Variants in PTPRG observed in about 807,000 individuals in gnomAD.
The protein encoded by PTPRG is protein tyrosine phosphatase receptor type G.
In PTPRG, 102 loss-of-function variants were observed where a neutral mutation model predicts 165.3. The observed-to-expected ratio is 0.62, with a 90% CI of 0.53 to 0.73. The LOEUF (loss-of-function observed/expected upper bound fraction) is 0.73. PTPRG is among the 30% of genes least tolerant of loss of function. The probability of loss-of-function intolerance (pLI) is 0.00; values close to 1 mark genes in which losing one functional copy is unlikely to be tolerated. For synonymous variants in PTPRG, 675 were observed against 669.5 expected, an observed-to-expected ratio of 1.01 and a Z score of -0.13; for missense variants, 1,866 against 1,861.4, an observed-to-expected ratio of 1.00 and a Z score of -0.05.
chr3:62,072,050 T>A (rs1701225665), intron 4 of PTPRG, among the ~76,000 whole-genome samples: 1 of 152,224 alleles, frequency 6.6e-6, no homozygotes, highest in Non-Finnish European at 1.5e-5. Flanking sequence ...TATACACATT[T>A]GTAAAGTCAA....
intron 7 of PTPRG, among the ~76,000 whole-genome samples, chr3:62,160,320 CA>C (rs1282485713): frequency 6.6e-5 from 10 of 152,246 alleles, no homozygotes; most frequent in African/African-American, 2.2e-4. Flanking sequence ...GCATTCAAGT[CA>C]GCCCTGCCAG....
chr3:61,785,369 T>A (rs1039833251), intron 2 of PTPRG, among the ~76,000 whole-genome samples: 1 of 152,186 alleles, frequency 6.6e-6, no homozygotes, highest in Non-Finnish European at 1.5e-5. Context: ...TCTAGAACAT[T>A]GTAGAAGAGA....
chr3:62,291,519 C>G (rs528976036), intron 28 of PTPRG, among the ~76,000 whole-genome samples: 198 of 151,938 alleles, frequency 1.3e-3, no homozygotes, highest in African/African-American at 4.6e-3. Context: ...GGAGAGGTTA[C>G]CTCTAAAGTT....
intron 1 of PTPRG, among the ~76,000 whole-genome samples, chr3:61,718,111 T>C (rs930493229): frequency 6.7e-6 from 1 of 149,890 alleles, no homozygotes; most frequent in African/African-American, 2.5e-5. Context: ...GACTGGGTGG[T>C]GGAGGTTGCA....
chr3:61,866,582 C>CTTTTTTTTTT lies in PTPRG; in HGVS notation c.190+117627_190+117636dup, dbSNP rs532356516. On this transcript the variant is annotated intron_variant, in intron 2 of 29. Coordinates refer to ENST00000474889, the MANE Select transcript of PTPRG (RefSeq NM_002841.4). ...TTCCCTGGCTTTGGAACTGTTTGCT[C>CTTTTTTTTTT]TTTTTTTTTTTTTTTTTTTTTTTTT... Among the ~76,000 whole-genome samples, 50 of 69,108 alleles carry CTTTTTTTTTT rather than the reference C, an allele frequency of 7.2e-4. 14 individuals are homozygous for CTTTTTTTTTT. Among genetic ancestry groups the CTTTTTTTTTT allele is most frequent in the East Asian group, 1.7e-3 (3 of 1,772 alleles). 45.3% of individuals were successfully genotyped at this position (69,108 alleles called of 152,430 possible). A position where few individuals can be genotyped will look rare whatever the true frequency, so the allele number is the denominator to read the frequency against.
chr3:61,993,840 T>C (rs1383910798), intron 3 of PTPRG, among the ~76,000 whole-genome samples: 1 of 152,238 alleles, frequency 6.6e-6, no homozygotes, highest in African/African-American at 2.4e-5. Flanking sequence ...CTGTCTTTTG[T>C]ATATTAAAAT....
intron 2 of PTPRG, among the ~76,000 whole-genome samples, chr3:61,865,268 C>T (rs2037373470): frequency 6.6e-6 from 1 of 152,138 alleles, no homozygotes; most frequent in Non-Finnish European, 1.5e-5. Context: ...ACCCCCACAA[C>T]AATAGTGACA....
At chr3:62,258,113 C>A (rs942920850) in intron 16 of PTPRG, among the ~76,000 whole-genome samples, 1 of 152,052 alleles carries the variant, frequency 6.6e-6, no homozygotes, top group African/African-American at 2.4e-5. Flanking sequence ...AGGAACCCCC[C>A]CCACTAGGAG....
At chr3:61,690,813 A>ATT (rs200547448) in intron 1 of PTPRG, among the ~76,000 whole-genome samples, 1 of 147,780 alleles carries the variant, frequency 6.8e-6, no homozygotes, top group Admixed American at 6.7e-5. Flanking sequence ...CTAGAGAGTG[A>ATT]TTTTTTTTTT....
At chr3:61,581,994 G>T (rs889838624) in intron 1 of PTPRG, among the ~76,000 whole-genome samples, 8 of 151,818 alleles carry the variant, frequency 5.3e-5, no homozygotes, top group South Asian at 2.1e-4. Flanking sequence ...TTGAGACAGA[G>T]TCTTGCTCTA....
At chr3:62,044,880 A>G (rs1191874506) in intron 4 of PTPRG, among the ~76,000 whole-genome samples, 1 of 152,070 alleles carries the variant, frequency 6.6e-6, no homozygotes, top group Non-Finnish European at 1.5e-5. Context: ...GATGGATTTT[A>G]TTATGTATGT....
rs544525909 is a variant in PTPRG, at chr3:61,623,224, A to G, written c.85+60852A>G. On this transcript the variant is annotated intron_variant, in intron 1 of 29. Coordinates refer to ENST00000474889, the MANE Select transcript of PTPRG (RefSeq NM_002841.4). ...GGCAGGAATCAGGACAGTGGGAGCT[A>G]ATGGCAAGTTGGTGGTGGAATACAT... Among the ~76,000 whole-genome samples the G allele has an allele frequency of 1.4e-4, 21 of 152,326 alleles. No homozygotes were observed. In the South Asian group the frequency reaches 4.4e-3, roughly 32 times the overall value.
intron 8 of PTPRG, among the ~76,000 whole-genome samples, chr3:62,174,486 T>C (rs1322984994): frequency 6.6e-6 from 1 of 152,224 alleles, no homozygotes; most frequent in African/African-American, 2.4e-5. Context: ...ATGTTTTCAA[T>C]TCTAAACATT....
At chr3:61,869,685 C>A (rs1036943525) in intron 2 of PTPRG, among the ~76,000 whole-genome samples, 7 of 151,938 alleles carry the variant, frequency 4.6e-5, no homozygotes, top group African/African-American at 1.7e-4. Flanking sequence ...CTTAACTGAT[C>A]TTCCCCCCTC....
chr3:61,616,930 G>A (rs536937545), intron 1 of PTPRG, among the ~76,000 whole-genome samples: 3 of 152,162 alleles, frequency 2.0e-5, no homozygotes, highest in Non-Finnish European at 2.9e-5. Context: ...CACCATCGAT[G>A]CCGGAAGATA....
intron 2 of PTPRG, among the ~76,000 whole-genome samples, chr3:61,768,659 C>T (rs1007807125): frequency 1.3e-5 from 2 of 152,200 alleles, no homozygotes; most frequent in Non-Finnish European, 2.9e-5. Flanking sequence ...TGCTGCAAGA[C>T]TTCTCAGATC....
chr3:61,929,621 T>A (rs2039309763), intron 2 of PTPRG, among the ~76,000 whole-genome samples: 1 of 152,228 alleles, frequency 6.6e-6, no homozygotes. Flanking sequence ...GTTAAACTCA[T>A]TTAGCTGTGA....
intron 5 of PTPRG, among the ~76,000 whole-genome samples, chr3:62,102,863 G>A (rs1702338980): frequency 6.7e-6 from 1 of 149,818 alleles, no homozygotes; most frequent in Admixed American, 6.6e-5. Flanking sequence ...GCACCTACCA[G>A]TAATTTCTCA....
intron 7 of PTPRG, 79 bp from the exon 8 acceptor site, chr3:62,167,892 A>G (rs1705055966): frequency 1.3e-5 from 18 of 1,425,588 alleles, no homozygotes; most frequent in Middle Eastern, 2.5e-4. Context: ...CCTGCTTTGG[A>G]CCAAATAGCT....
Sources: allele counts gnomAD v4.1 joint callset (sites outside exome capture counted in the v4.1 genomes callset), GRCh38; gene constraint gnomAD v4.1.1; transcripts MANE v1.5; gene names NCBI Gene and HGNC (gene_info 2026-07-23, HGNC 2026-07-21).